RERE: variants seen among roughly 807,000 people sequenced by gnomAD.
The protein encoded by RERE is arginine-glutamic acid dipeptide repeats protein.
A neutral mutation model predicts 146.1 loss-of-function variants in RERE; 40 were observed. That is an observed-to-expected ratio of 0.27 (90% CI 0.21 to 0.36). RERE has a LOEUF of 0.36. Among genes scored for constraint, RERE ranks in the 10% least tolerant of loss-of-function variants. RERE has a pLI of 1.00. For synonymous variants in RERE, 1,003 were observed against 866.0 expected (o/e 1.16, Z -2.78); for missense variants, 1,933 against 2,138.7 (o/e 0.90, Z 1.90).
intron 12 of RERE, among the ~76,000 whole-genome samples, chr1:8,393,883 T>G (rs923398730): frequency 4.6e-5 from 7 of 152,164 alleles, no homozygotes; most frequent in African/African-American, 1.4e-4. Context: ...AAAACTTCCT[T>G]CATTTTTTGT....
intron 1 of RERE, among the ~76,000 whole-genome samples, chr1:8,812,842 T>A (rs574838482): frequency 3.3e-5 from 5 of 152,184 alleles, no homozygotes; most frequent in Non-Finnish European, 7.3e-5. Context: ...ATATATTTAG[T>A]ATTTGAACTT....
chr1:8,577,005 T>C (rs1275186171), intron 4 of RERE, among the ~76,000 whole-genome samples: 1 of 152,058 alleles, frequency 6.6e-6, no homozygotes, highest in East Asian at 1.9e-4. Context: ...CCGTCTCTAC[T>C]AAAAATACAA....
intron 11 of RERE, among the ~76,000 whole-genome samples, chr1:8,425,944 CAAGG>C (rs1169881618): frequency 6.6e-6 from 1 of 152,074 alleles, no homozygotes; most frequent in Non-Finnish European, 1.5e-5. Context: ...ATTTTACAGA[CAAGG>C]AAGCTGAGGC....
chr1:8,702,550 T>C (rs75383090), intron 1 of RERE, among the ~76,000 whole-genome samples: 6,696 of 152,210 alleles, frequency 0.044, 490 homozygotes, highest in African/African-American at 0.15. Flanking sequence ...ATAACAGTAG[T>C]TCGGTCCAAG....
At chr1:8,593,292 A>G (rs1464394499) in intron 4 of RERE, among the ~76,000 whole-genome samples, 2 of 152,088 alleles carry the variant, frequency 1.3e-5, no homozygotes, top group Non-Finnish European at 2.9e-5. Context: ...CCCCACCCAA[A>G]TCTCATCTTG....
intron 1 of RERE, among the ~76,000 whole-genome samples, chr1:8,686,359 T>G (rs1393592788): frequency 1.3e-5 from 2 of 152,198 alleles, no homozygotes; most frequent in Non-Finnish European, 2.9e-5. Flanking sequence ...CAGACACCTA[T>G]TATGTGCTGG....
At chr1:8,355,731 A>C (rs1315430308) in intron 21 of RERE, 132 bp from the exon 22 acceptor site, 14 of 771,460 alleles carry the variant, frequency 1.8e-5, no homozygotes, top group South Asian at 4.0e-5. Flanking sequence ...AGCCCCTCCC[A>C]GACTCTGCAG....
intron 11 of RERE, among the ~76,000 whole-genome samples, chr1:8,448,777 C>T (rs749968946): frequency 7.9e-5 from 12 of 151,792 alleles, no homozygotes; most frequent in African/African-American, 2.7e-4. Context: ...TGCACTGAGC[C>T]GAGATCACGC....
intron 1 of RERE, among the ~76,000 whole-genome samples, chr1:8,697,789 A>AC (rs1639366564): frequency 6.6e-6 from 1 of 152,202 alleles, no homozygotes; most frequent in South Asian, 2.1e-4. Flanking sequence ...AAGCAAATGA[A>AC]CAGTAGTGTC....
At chr1:8,528,760 G>A (rs772403623) in intron 7 of RERE, among the ~76,000 whole-genome samples, 1 of 152,014 alleles carries the variant, frequency 6.6e-6, no homozygotes, top group Non-Finnish European at 1.5e-5. Context: ...AACCCCAAGC[G>A]TTTCAGGTAA....
chr1:8,392,440 A>G (rs940801620), intron 12 of RERE, among the ~76,000 whole-genome samples: 3 of 152,204 alleles, frequency 2.0e-5, no homozygotes, highest in Admixed American at 6.5e-5. Flanking sequence ...CCATCTATCT[A>G]TCTAGATAAA....
At chr1:8,560,050 A>G (rs1160898582) in intron 4 of RERE, among the ~76,000 whole-genome samples, 1 of 152,240 alleles carries the variant, frequency 6.6e-6, no homozygotes, top group African/African-American at 2.4e-5. Flanking sequence ...CGGCAGGATA[A>G]TAAAAAGCAG....
In RERE at chr1:8,364,220, T is replaced by A. The variant is rs758914165; in HGVS notation, c.1576A>T (p.Ile526Phe). 6.2e-7 allele frequency: 1 copy of A among 1,614,132 alleles called. No homozygotes were observed. The highest frequency in any genetic ancestry group is 1.7e-5 in the Admixed American group (1 of 60,010). The part of the protein sequence containing the change: ...KDWHHGGREN[I>F]LLCTDCRIHF... ...ATGCGACAGTCGGTGCAAAGCAGGATGTTCTCCCGGCCTCCGTGGTGCCAA... is the reference window on the plus strand; with the variant it reads ...ATGCGACAGTCGGTGCAAAGCAGGAAGTTCTCCCGGCCTCCGTGGTGCCAA... Residue 526 changes from isoleucine (I) to phenylalanine (F), a missense_variant, in exon 15 of 23, where the codon ATC (isoleucine) becomes TTC (phenylalanine). By Grantham distance (21) the Ile-to-Phe change is conservative (BLOSUM62 0). This residue lies in a region of RERE where 260 missense variants were observed against 378.4 expected (regional missense o/e 0.69). Transcript: ENST00000400908. The surrounding 1 kb of genome is among the most constrained non-coding windows in gnomAD (Gnocchi z 5.1).
At chr1:8,496,319 A>T (rs1447048603) in intron 9 of RERE, among the ~76,000 whole-genome samples, 1 of 151,912 alleles carries the variant, frequency 6.6e-6, no homozygotes, top group African/African-American at 2.4e-5. Context: ...ACCAAAAACA[A>T]AATTAAAAAT....
At chr1:8,643,704 T>C (rs1056446444) in intron 2 of RERE, among the ~76,000 whole-genome samples, 24 of 152,164 alleles carry the variant, frequency 1.6e-4, no homozygotes, top group African/African-American at 7.2e-5. Flanking sequence ...CTGGGGGTTT[T>C]TGTGAAGGTG....
intron 1 of RERE, among the ~76,000 whole-genome samples, chr1:8,726,420 T>C (rs1482315895): frequency 6.6e-6 from 1 of 152,182 alleles, no homozygotes. Context: ...CCCAAAGTGC[T>C]GGGGTTACAG....
At position 8,355,047 on chromosome 1, in the gene RERE, G is replaced by A; in HGVS notation, c.*40C>T. The A allele has an allele frequency of 6.3e-7, 1 of 1,577,346 alleles. No individual in the cohort carries two copies. ...TAAAAAGTCCTGTTTCTCCCCCCAAGAACTGGGGTTTCCACAGCCAGCGTT... is the reference window on the plus strand; with the variant it reads ...TAAAAAGTCCTGTTTCTCCCCCCAAAAACTGGGGTTTCCACAGCCAGCGTT... On this transcript the variant is annotated 3_prime_UTR_variant, in exon 23 of 23. Transcript: ENST00000400908.
intron 1 of RERE, among the ~76,000 whole-genome samples, chr1:8,731,164 A>C (rs1454355360): frequency 6.6e-6 from 1 of 152,242 alleles, no homozygotes; most frequent in Non-Finnish European, 1.5e-5. Context: ...GAACTGCAGA[A>C]GACTGAGTGT....
chr1:8,530,893 T>G (rs1189853556), intron 7 of RERE, among the ~76,000 whole-genome samples: 17 of 151,144 alleles, frequency 1.1e-4, no homozygotes, highest in African/African-American at 4.1e-4. Context: ...GGGTTTCACC[T>G]TGTTAGCCAG....
Sources: allele counts gnomAD v4.1 joint callset (sites outside exome capture counted in the v4.1 genomes callset), GRCh38; gene constraint gnomAD v4.1.1; regional missense constraint gnomAD v4.1.1; non-coding constraint Gnocchi (gnomAD v3.1); transcripts MANE v1.5; gene names NCBI Gene and HGNC (gene_info 2026-07-23, HGNC 2026-07-21).